OR51T1: variants seen among roughly 807,000 people sequenced by gnomAD.
The protein encoded by OR51T1 is olfactory receptor 51T1.
For missense variants in OR51T1, 439 were observed against 398.5 expected, an observed-to-expected ratio of 1.10 and a Z score of -0.87; for synonymous variants, 188 against 152.6, an observed-to-expected ratio of 1.23 and a Z score of -1.71.
At position 4,882,095 on chromosome 11, in the gene OR51T1, T is replaced by C; in HGVS notation, c.196T>C (p.Ser66Pro). Residue 66 changes from serine to proline, a missense_variant, in exon 1 of 1, where the codon TCC (serine) becomes CCC (proline). Coordinates refer to ENST00000322049, the MANE Select transcript of OR51T1 (RefSeq NM_001004759.3). ...CCACAAACCCATGTATTATTTCCTCTCCATGCTGGCAGCTGTTGATCTATG... is the reference window on the plus strand; with the variant it reads ...CCACAAACCCATGTATTATTTCCTCCCCATGCTGGCAGCTGTTGATCTATG... The part of the protein sequence containing the change: ...RLHKPMYYFL[S>P]MLAAVDLCLT... 6.2e-7 allele frequency: 1 copy of C among 1,613,974 alleles called. No individual in the cohort carries two copies. The highest frequency in any genetic ancestry group is 1.7e-5 in the Admixed American group (1 of 59,980).
Position 4,882,624 on chromosome 11 carries a change from CT to C in OR51T1, c.727del (p.Cys243ValfsTer15). 1 of 1,613,984 alleles carries C rather than the reference CT, an allele frequency of 6.2e-7. No homozygotes were observed. The highest frequency in any genetic ancestry group is 8.5e-7 in the Non-Finnish European group (1 of 1,179,948). On this transcript the variant is annotated frameshift_variant, in exon 1 of 1. Transcript: ENST00000322049. LOFTEE classifies it low-confidence loss of function (END_TRUNC). Reference sequence around the variant, plus strand: ...AAGAAGCAACAAAAAGCTCTCAGCACTTGTGTCTGTCACATCTGTGCAGTCA... The same window carrying C: ...AAGAAGCAACAAAAAGCTCTCAGCACTGTGTCTGTCACATCTGTGCAGTCA... The part of the protein sequence containing the change: ...ARKKQQKALS[T>X]CVCHICAVTI...
Position 4,882,462 on chromosome 11 carries a change from A to T in OR51T1, c.563A>T (p.Lys188Ile). The T allele has an allele frequency of 1.2e-6, 2 of 1,613,966 alleles. No individual in the cohort carries two copies. Among genetic ancestry groups the T allele is most frequent in the Non-Finnish European group, 1.7e-6 (2 of 1,179,952 alleles). Residue 188 changes from lysine to isoleucine, a missense_variant, in exon 1 of 1, where the codon AAA (lysine) becomes ATA (isoleucine). By Grantham distance (102) the Lys-to-Ile change is moderately radical. Transcript: ENST00000322049. ...HPFCYHPEVI[K>I]YTYSKPWISS... ...TTTTGCTACCACCCAGAAGTGATCA[A>T]ATACACATATTCCAAACCTTGGATC...
Position 4,881,976 on chromosome 11 carries a change from A to T in OR51T1, c.77A>T (p.His26Leu), listed in dbSNP as rs778952665. 1 of 1,613,796 alleles carries T rather than the reference A, an allele frequency of 6.2e-7. No homozygotes were observed. Among genetic ancestry groups the T allele is most frequent in the Non-Finnish European group, 8.5e-7 (1 of 1,179,884 alleles). ...LTAFPGLECA[H>L]VWISIPVCCL... The stretch of plus-strand genomic sequence containing the variant: ...GCATTCCCTGGGCTGGAATGTGCTC[A>T]TGTCTGGATCTCCATTCCAGTCTGC... Residue 26 changes from histidine to leucine, a missense_variant, in exon 1 of 1, where the codon CAT becomes CTT. His to Leu is a moderately conservative substitution (Grantham distance 99). Transcript: ENST00000322049.
Position 4,882,699 on chromosome 11 carries a change from T to C in OR51T1, c.800T>C (p.Phe267Ser), listed in dbSNP as rs778687125. The part of the protein sequence containing the change: ...LISLSLAHRL[F>S]HSTPRVLCST... ...AGCCTCTCTTTGGCACACCGCCTCT[T>C]CCACTCCACCCCAAGGGTGCTCTGT... The change falls in exon 1 of 1, where the codon TTC (phenylalanine) becomes TCC (serine). Residue 267 changes from phenylalanine (F) to serine (S), a missense_variant. Phe to Ser is a radical substitution (Grantham distance 155). Transcript: ENST00000322049. The C allele has an allele frequency of 6.2e-7, 1 of 1,613,980 alleles. No homozygotes were observed. Among genetic ancestry groups the C allele is most frequent in the Non-Finnish European group, 8.5e-7 (1 of 1,179,938 alleles).
At position 4,882,191 on chromosome 11, in the gene OR51T1, G is replaced by C. The variant is rs762913559; in HGVS notation, c.292G>C (p.Ala98Pro). Reference sequence around the variant, plus strand: ...TCATGCCCGGGAGATCAGCTTTAAAGCTTGCTTCATTCAAATGTTCTTTGT... The same window carrying C: ...TCATGCCCGGGAGATCAGCTTTAAACCTTGCTTCATTCAAATGTTCTTTGT... ...WFHAREISFKACFIQMFFVHA... is the reference protein window; with the variant it reads ...WFHAREISFKPCFIQMFFVHA... The change falls in exon 1 of 1, where the codon GCT becomes CCT. Residue 98 changes from alanine (A) to proline (P), a missense_variant. Physicochemically the swap from Ala to Pro is conservative, Grantham distance 27. Coordinates refer to ENST00000322049, the MANE Select transcript of OR51T1 (RefSeq NM_001004759.3). The C allele has an allele frequency of 3.7e-6, 6 of 1,613,936 alleles. No homozygotes were observed. Among genetic ancestry groups the C allele is most frequent in the Non-Finnish European group, 5.1e-6 (6 of 1,179,946 alleles).
Position 4,882,699 on chromosome 11 carries a change from T to G in OR51T1, c.800T>G (p.Phe267Cys), listed in dbSNP as rs778687125. ...AGCCTCTCTTTGGCACACCGCCTCT[T>G]CCACTCCACCCCAAGGGTGCTCTGT... ...LISLSLAHRL[F>C]HSTPRVLCST... Residue 267 changes from phenylalanine to cysteine, a missense_variant, in exon 1 of 1, where the codon TTC (phenylalanine) becomes TGC (cysteine). Phe to Cys is a radical substitution (Grantham distance 205). Transcript: ENST00000322049. 2 of 1,613,862 alleles carry G rather than the reference T, an allele frequency of 1.2e-6. No individual in the cohort carries two copies. The highest frequency in any genetic ancestry group is 2.7e-5 in the African/African-American group (2 of 74,902).
rs1220499661 is a variant in OR51T1 at position 4,882,419 on chromosome 11, C to A, written c.520C>A (p.His174Asn). Residue 174 changes from histidine (H) to asparagine (N), a missense_variant, in exon 1 of 1, where the codon CAC becomes AAC. By Grantham distance (68) the His-to-Asn change is moderately conservative. Transcript: ENST00000322049. Reference protein sequence around the residue: ...AINTVSFHGGHELSHPFCYHP... With the variant: ...AINTVSFHGGNELSHPFCYHP... ...AAACACTGTGTCTTTTCATGGGGGT[C>A]ACGAGCTTTCCCATCCATTTTGCTA... The A allele has an allele frequency of 1.9e-6, 3 of 1,613,906 alleles. No individual in the cohort carries two copies. Among genetic ancestry groups the A allele is most frequent in the Non-Finnish European group, 2.5e-6 (3 of 1,179,924 alleles).
In OR51T1 at chr11:4,882,813, T is replaced by C. The variant is rs199652084; in HGVS notation, c.914T>C (p.Met305Thr). The C allele has an allele frequency of 1.9e-5, 31 of 1,613,868 alleles. 2 individuals are homozygous for C. In the Middle Eastern group the frequency reaches 2.0e-3, roughly 103 times the overall value. ...SLKTKTIRQA[M>T]FQLLQSKGSW... ...AAGACCAAGACAATCCGCCAGGCTA[T>C]GTTCCAGCTGCTCCAATCCAAGGGT... The change falls in exon 1 of 1, where the codon ATG becomes ACG. Residue 305 changes from methionine (M) to threonine (T), a missense_variant. Met to Thr is a moderately conservative substitution (Grantham distance 81). Transcript: ENST00000322049.
chr11:4,882,180 T>C lies in OR51T1; in HGVS notation c.281T>C (p.Ile94Thr), dbSNP rs770079184. ...GTTCTCTGGTTTCATGCCCGGGAGA[T>C]CAGCTTTAAAGCTTGCTTCATTCAA... Reference protein sequence around the residue: ...LGVLWFHAREISFKACFIQMF... With the variant: ...LGVLWFHARETSFKACFIQMF... Residue 94 changes from isoleucine (I) to threonine (T), a missense_variant, in exon 1 of 1, where the codon ATC becomes ACC. Physicochemically the swap from Ile to Thr is moderately conservative, Grantham distance 89. Transcript: ENST00000322049. The C allele has an allele frequency of 3.7e-6, 6 of 1,614,002 alleles. No individual in the cohort carries two copies. Among genetic ancestry groups the C allele is most frequent in the Non-Finnish European group, 5.1e-6 (6 of 1,179,948 alleles).
At position 4,882,465 on chromosome 11, in the gene OR51T1, A is replaced by C. The variant is rs1401903256; in HGVS notation, c.566A>C (p.Tyr189Ser). The stretch of plus-strand genomic sequence containing the variant: ...TGCTACCACCCAGAAGTGATCAAAT[A>C]CACATATTCCAAACCTTGGATCAGC... ...PFCYHPEVIK[Y>S]TYSKPWISSF... Residue 189 changes from tyrosine (Y) to serine (S), a missense_variant, in exon 1 of 1, where the codon TAC becomes TCC. Physicochemically the swap from Tyr to Ser is moderately radical, Grantham distance 144 (BLOSUM62 -2). Transcript: ENST00000322049. 2 of 1,613,714 alleles carry C rather than the reference A, an allele frequency of 1.2e-6. No homozygotes were observed. Among genetic ancestry groups the C allele is most frequent in the Non-Finnish European group, 1.7e-6 (2 of 1,179,854 alleles).
rs1341355820 is a variant in OR51T1 at position 4,882,452 on chromosome 11, G to A, written c.553G>A (p.Glu185Lys). ...TTCCCATCCATTTTGCTACCACCCA[G>A]AAGTGATCAAATACACATATTCCAA... ...ELSHPFCYHP[E>K]VIKYTYSKPW... Residue 185 changes from glutamate to lysine, a missense_variant, in exon 1 of 1, where the codon GAA (glutamate) becomes AAA (lysine). Coordinates refer to ENST00000322049, the MANE Select transcript of OR51T1 (RefSeq NM_001004759.3). 1.2e-6 allele frequency: 2 copies of A among 1,604,676 alleles called. No homozygotes were observed. Among genetic ancestry groups the A allele is most frequent in the African/African-American group, 2.7e-5 (2 of 74,802 alleles).
In OR51T1 at chr11:4,882,073, C is replaced by A. The variant is rs1484969160; in HGVS notation, c.174C>A (p.His58Gln). 11 of 1,613,842 alleles carry A rather than the reference C, an allele frequency of 6.8e-6. 1 individual carries two copies. In the East Asian group the frequency reaches 2.2e-4, roughly 33 times the overall value. Residue 58 changes from histidine (H) to glutamine (Q), a missense_variant, in exon 1 of 1, where the codon CAC becomes CAA. Transcript: ENST00000322049. ...FLVIITKRRL[H>Q]KPMYYFLSML... The stretch of plus-strand genomic sequence containing the variant: ...TCATCATTACTAAGCGGAGACTCCA[C>A]AAACCCATGTATTATTTCCTCTCCA...
Position 4,882,565 on chromosome 11 carries a change from G to GA in OR51T1, c.667dup (p.Ile223AsnfsTer54). 2 of 1,613,844 alleles carry GA rather than the reference G, an allele frequency of 1.2e-6. No individual in the cohort carries two copies. Among genetic ancestry groups the GA allele is most frequent in the East Asian group, 4.5e-5 (2 of 44,802 alleles). ...TGTTTATTCTTTTCTCCTATGTCCTGATCCTCCGTACTGTTCTGGGCATTG... is the reference window on the plus strand; with the variant it reads ...TGTTTATTCTTTTCTCCTATGTCCTGAATCCTCCGTACTGTTCTGGGCATTG... On this transcript the variant is annotated frameshift_variant, in exon 1 of 1. Transcript: ENST00000322049. LOFTEE classifies it low-confidence loss of function (END_TRUNC).
rs146802719 is a variant in OR51T1 at position 4,882,000 on chromosome 11, G to C, written c.101G>C (p.Cys34Ser). The C allele has an allele frequency of 1.2e-6, 2 of 1,613,812 alleles. No individual in the cohort carries two copies. Among genetic ancestry groups the C allele is most frequent in the Non-Finnish European group, 1.7e-6 (2 of 1,179,910 alleles). The change falls in exon 1 of 1, where the codon TGC (cysteine) becomes TCC (serine). Residue 34 changes from cysteine to serine, a missense_variant. Transcript: ENST00000322049. ...CATGTCTGGATCTCCATTCCAGTCT[G>C]CTGTCTCTACACCATTGCCCTCTTG... ...CAHVWISIPV[C>S]CLYTIALLGN...
chr11:4,882,133 G>A lies in OR51T1; in HGVS notation c.234G>A (p.Thr78=), dbSNP rs1564799650. 2.5e-6 allele frequency: 4 copies of A among 1,613,676 alleles called. No homozygotes were observed. Among genetic ancestry groups the A allele is most frequent in the South Asian group, 2.2e-5 (2 of 91,064 alleles). Reference sequence around the variant, plus strand: ...CTGTTGATCTATGTCTGACCATTACGACCCTTCCCACTGTGCTTGGTGTTC... The same window carrying A: ...CTGTTGATCTATGTCTGACCATTACAACCCTTCCCACTGTGCTTGGTGTTC... ...LAAVDLCLTI[T]TLPTVLGVLW... The change falls in exon 1 of 1, where the codon ACG becomes ACA. Residue 78 remains threonine (T), a synonymous_variant. Transcript: ENST00000322049.
rs772035925 is a variant in OR51T1, at chr11:4,882,400, T to C, written c.501T>C (p.Thr167=). ...FLLPLLVAIN[T]VSFHGGHELS... Reference sequence around the variant, plus strand: ...TTCCCCTTCTTGTAGCCATAAACACTGTGTCTTTTCATGGGGGTCACGAGC... The same window carrying C: ...TTCCCCTTCTTGTAGCCATAAACACCGTGTCTTTTCATGGGGGTCACGAGC... Residue 167 remains threonine, a synonymous_variant, in exon 1 of 1, where the codon ACT becomes ACC. Transcript: ENST00000322049. The C allele has an allele frequency of 1.9e-6, 3 of 1,613,806 alleles. No homozygotes were observed. The highest frequency in any genetic ancestry group is 2.5e-6 in the Non-Finnish European group (3 of 1,179,926).
rs1412686813 is a variant in OR51T1, at chr11:4,882,228, C to T, written c.329C>T (p.Ser110Phe). ...FIQMFFVHAF[S>F]LLESSVLVAM... is the part of the protein sequence containing the mutation. ...CAAATGTTCTTTGTGCATGCTTTCT[C>T]CTTGCTGGAGTCCTCGGTGCTGGTA... Residue 110 changes from serine (S) to phenylalanine (F), a missense_variant, in exon 1 of 1, where the codon TCC becomes TTC. Transcript: ENST00000322049. The T allele has an allele frequency of 6.2e-7, 1 of 1,613,974 alleles. No homozygotes were observed. The highest frequency in any genetic ancestry group is 8.5e-7 in the Non-Finnish European group (1 of 1,179,952).
rs750871525 is a variant in OR51T1 at position 4,882,349 on chromosome 11, C to A, written c.450C>A (p.Ile150=). Residue 150 remains isoleucine, a synonymous_variant, in exon 1 of 1, where the codon ATC becomes ATA. Transcript: ENST00000322049. ...DRMVLVIGLV[I]CIRPAVFLLP... Reference sequence around the variant, plus strand: ...TGGTCCTGGTGATAGGGCTGGTCATCTGCATTAGACCAGCAGTTTTCTTAC... The same window carrying A: ...TGGTCCTGGTGATAGGGCTGGTCATATGCATTAGACCAGCAGTTTTCTTAC... The A allele has an allele frequency of 6.2e-7, 1 of 1,613,928 alleles. No homozygotes were observed. Among genetic ancestry groups the A allele is most frequent in the Non-Finnish European group, 8.5e-7 (1 of 1,179,930 alleles).
chr11:4,882,227 T>C lies in OR51T1; in HGVS notation c.328T>C (p.Ser110Pro). 6.2e-7 allele frequency: 1 copy of C among 1,614,002 alleles called. No homozygotes were observed. The highest frequency in any genetic ancestry group is 2.2e-5 in the East Asian group (1 of 44,856). ...TCAAATGTTCTTTGTGCATGCTTTC[T>C]CCTTGCTGGAGTCCTCGGTGCTGGT... is the stretch of plus-strand genomic sequence containing the variant. ...FIQMFFVHAF[S>P]LLESSVLVAM... The change falls in exon 1 of 1, where the codon TCC becomes CCC. Residue 110 changes from serine (S) to proline (P), a missense_variant. Coordinates refer to ENST00000322049, the MANE Select transcript of OR51T1 (RefSeq NM_001004759.3).
Sources: allele counts gnomAD v4.1 joint callset, GRCh38; gene constraint gnomAD v4.1.1; transcripts MANE v1.5; gene names NCBI Gene and HGNC (gene_info 2026-07-23, HGNC 2026-07-21).